Variants in NAALADL2 observed in about 807,000 individuals in gnomAD.
NAALADL2 encodes the protein inactive N-acetylated-alpha-linked acidic dipeptidase-like protein 2.
NAALADL2 carries 76 observed loss-of-function variants against 87.2 expected under a neutral mutation model. That is an observed-to-expected ratio of 0.87 (90% confidence interval 0.72 to 1.05). The LOEUF (loss-of-function observed/expected upper bound fraction) is 1.05. Ranked by LOEUF, NAALADL2 falls within the 50% of genes least tolerant of loss-of-function variation. The pLI is 0.00. For missense variants in NAALADL2, 1,089 were observed against 945.8 expected (o/e 1.15, Z -1.99); for synonymous variants, 354 against 331.0 (o/e 1.07, Z -0.75).
chr3:174,713,006 A>C lies in NAALADL2; in HGVS notation c.-114-24635A>C, dbSNP rs189294052. On this transcript the variant is annotated intron_variant, in intron 2 of 3. Coordinates refer to the NAALADL2 transcript ENST00000434257. The stretch of plus-strand genomic sequence containing the variant: ...GTGTGATGTTCCCCTTCCTGTGTGC[A>C]AGTGTTCTCATTTTTCAATTCCCAC... 6.3e-3 allele frequency among the ~76,000 whole-genome samples: 934 copies of C among 149,352 alleles called. 7 individuals are homozygous for C. The highest frequency in any genetic ancestry group is 0.022 in the African/African-American group (888 of 40,392).
chr3:174,997,577 C>T (rs1189137826), intron 1 of NAALADL2, among the ~76,000 whole-genome samples: 1 of 152,066 alleles, frequency 6.6e-6, no homozygotes, highest in Non-Finnish European at 1.5e-5. Context: ...GTAATCCTAG[C>T]ACTTTGGGAG....
In NAALADL2 at chr3:175,203,146, G is replaced by A. The variant is rs184261899; in HGVS notation, c.546-30785G>A. Among the ~76,000 whole-genome samples the A allele has an allele frequency of 1.2e-4, 18 of 152,216 alleles. No individual in the cohort carries two copies. The East Asian group carries it at 3.5e-3, about 30-fold the overall frequency. On this transcript the variant is annotated intron_variant, in intron 2 of 13. Transcript: ENST00000454872. ...CCCTCCCCTGAGGTCTGGTCAGGAG[G>A]CTTCTTGACCCATTCAAATAATTGT...
At chr3:175,131,124 T>C (rs1479154429) in intron 2 of NAALADL2, among the ~76,000 whole-genome samples, 7 of 151,996 alleles carry the variant, frequency 4.6e-5, no homozygotes, top group Non-Finnish European at 8.8e-5. Context: ...TTTCATCTCT[T>C]TGGTTAAGTT....
chr3:175,003,262 A>G (rs1748483196), intron 1 of NAALADL2, among the ~76,000 whole-genome samples: 1 of 152,200 alleles, frequency 6.6e-6, no homozygotes, highest in Non-Finnish European at 1.5e-5. Context: ...TCACACATGT[A>G]ATCCCTGTGC....
chr3:175,282,839 T>C (rs942333745), intron 4 of NAALADL2, among the ~76,000 whole-genome samples: 13 of 152,010 alleles, frequency 8.6e-5, no homozygotes, highest in Non-Finnish European at 1.6e-4. Flanking sequence ...TAATTTTTAT[T>C]TTATTTTTAT....
At chr3:175,696,229 T>C (rs888066219) in intron 11 of NAALADL2, among the ~76,000 whole-genome samples, 8 of 152,174 alleles carry the variant, frequency 5.3e-5, no homozygotes, top group African/African-American at 1.9e-4. Flanking sequence ...TTCTGCTTGA[T>C]GCTATGAAAG....
At chr3:175,143,551 C>CAAAAAAAAAAAAAAAAAAAAAAAAA (rs200363916) in intron 2 of NAALADL2, among the ~76,000 whole-genome samples, 1 of 113,408 alleles carries the variant, frequency 8.8e-6, no homozygotes, top group Non-Finnish European at 1.8e-5. Context: ...CAATGTTAGC[C>CAAAAAAAAAAAAAAAAAAAAAAAAA]AAAAAAAAAA....
intron 1 of NAALADL2, among the ~76,000 whole-genome samples, chr3:175,042,524 G>A (rs1239585485): frequency 6.6e-6 from 1 of 152,020 alleles, no homozygotes; most frequent in Non-Finnish European, 1.5e-5. Context: ...ATTTTCCATA[G>A]TGCCTATACC....
intron 2 of NAALADL2, among the ~76,000 whole-genome samples, chr3:174,596,979 A>T (rs116131922): frequency 1.1e-3 from 170 of 152,182 alleles, no homozygotes; most frequent in African/African-American, 3.9e-3. Context: ...TCTAGTTCAG[A>T]CCTTCTTTGT....
In NAALADL2 at chr3:175,093,606, A is replaced by C. The variant is rs187727459; in HGVS notation, c.44-3184A>C. The stretch of plus-strand genomic sequence containing the variant: ...CATGTATTTGATATATAAAATATAT[A>C]AGACATATATAATTGATTTTACCAA... On this transcript the variant is annotated intron_variant, in intron 1 of 13. Transcript: ENST00000454872. Among the ~76,000 whole-genome samples the C allele has an allele frequency of 4.2e-3, 634 of 149,846 alleles. 4 individuals carry two copies. Among genetic ancestry groups the C allele is most frequent in the African/African-American group, 0.015 (598 of 41,108 alleles).
intron 9 of NAALADL2, among the ~76,000 whole-genome samples, chr3:175,564,005 A>G (rs1401247119): frequency 2.6e-5 from 4 of 152,132 alleles, no homozygotes; most frequent in Non-Finnish European, 1.5e-5. Flanking sequence ...ACTTGGACAT[A>G]TTACTGCTGA....
At chr3:175,569,406 A>G (rs917644067) in intron 9 of NAALADL2, among the ~76,000 whole-genome samples, 3 of 152,286 alleles carry the variant, frequency 2.0e-5, no homozygotes, top group Non-Finnish European at 4.4e-5. Flanking sequence ...AAGAGTGCCT[A>G]TGTTAGTCAG....
chr3:175,445,655 C>T (rs1264545793), intron 5 of NAALADL2, among the ~76,000 whole-genome samples: 2 of 152,112 alleles, frequency 1.3e-5, no homozygotes, highest in African/African-American at 2.4e-5. Context: ...GTTAAATCAA[C>T]AGTCATTATT....
rs187359663 is a variant in NAALADL2 at position 175,615,863 on chromosome 3, T to A, written c.1801-11428T>A. ...CAGAGGGAGACTCTGTCTCAAAAAA[T>A]ATATATATATATGTATAATATATAT... On this transcript the variant is annotated intron_variant, in intron 10 of 13. Transcript: ENST00000454872. 7.0e-3 allele frequency among the ~76,000 whole-genome samples: 1,030 copies of A among 147,550 alleles called. 12 individuals are homozygous for A. The highest frequency in any genetic ancestry group is 0.024 in the African/African-American group (971 of 40,584).
chr3:174,856,135 T>C (rs373628843), upstream of NAALADL2, among the ~76,000 whole-genome samples: 6 of 151,894 alleles, frequency 4.0e-5, no homozygotes, highest in Admixed American at 1.3e-4. Context: ...GTCTCTTGAG[T>C]AGGTGTACTA....
chr3:174,950,611 G>T (rs1271741718), intron 1 of NAALADL2, among the ~76,000 whole-genome samples: 1 of 151,940 alleles, frequency 6.6e-6, no homozygotes. Context: ...AGAGTTCAAA[G>T]CCTTTTTTTA....
At chr3:175,366,710 GT>G (rs1765628437) in intron 5 of NAALADL2, among the ~76,000 whole-genome samples, 1 of 150,334 alleles carries the variant, frequency 6.7e-6, no homozygotes, top group Admixed American at 6.6e-5. Flanking sequence ...GGGGTTGTTT[GT>G]TTTTTTCTTG....
intron 3 of NAALADL2, among the ~76,000 whole-genome samples, chr3:174,757,426 G>A (rs977189300): frequency 4.6e-5 from 7 of 152,188 alleles, no homozygotes; most frequent in South Asian, 2.1e-4. Context: ...TGACTTAGAA[G>A]CATTGGAAAA....
intron 1 of NAALADL2, among the ~76,000 whole-genome samples, chr3:175,005,211 C>T (rs1256957880): frequency 6.6e-6 from 1 of 151,994 alleles, no homozygotes; most frequent in Non-Finnish European, 1.5e-5. Flanking sequence ...ATTATTATCC[C>T]CAATTTTCAA....
Sources: gnomAD v4.1 joint callset for allele counts (sites outside exome capture counted in the v4.1 genomes callset) on GRCh38, gnomAD v4.1.1 for gene constraint, MANE v1.5 for transcripts, NCBI Gene and HGNC (gene_info 2026-07-23, HGNC 2026-07-21) for gene names.